HLCS: variants seen among roughly 807,000 people sequenced by gnomAD.
The protein encoded by HLCS is holocarboxylase synthetase, also known as biotin--protein ligase.
HLCS carries 53 observed loss-of-function variants against 75.0 expected under a neutral mutation model. The observed-to-expected ratio is 0.71, with a 90% CI of 0.57 to 0.89. HLCS has a LOEUF of 0.89. Among genes scored for constraint, HLCS ranks in the 40% least tolerant of loss-of-function variants. The probability of loss-of-function intolerance (pLI) is 0.00; values close to 1 mark genes in which losing one functional copy is unlikely to be tolerated. For missense variants in HLCS, 966 were observed against 1,074.0 expected (o/e 0.90, Z 1.41); for synonymous variants, 431 against 428.6 (o/e 1.01, Z -0.07).
chr21:36,851,154 ACAATCCAGCAATCC>A (rs1212024453), intron 6 of HLCS, among the ~76,000 whole-genome samples: 2 of 152,244 alleles, frequency 1.3e-5, no homozygotes, highest in African/African-American at 4.8e-5. Flanking sequence ...GAGCTACCAT[ACAATCCAGCAATCC>A]CAATCCTAGG....
At position 36,862,264 on chromosome 21, in the gene HLCS, G is replaced by A. The variant is rs1221747685; in HGVS notation, c.1892+34596C>T. ...TGATGCCATGAATATCCACATGCAA[G>A]TTTTTGTGTGGACCTCTGTTTTCAT... On this transcript the variant is annotated intron_variant, in intron 6 of 10. Coordinates refer to ENST00000674895, the MANE Select transcript of HLCS (RefSeq NM_001352514.2). Among the ~76,000 whole-genome samples the A allele has an allele frequency of 2.6e-5, 4 of 152,206 alleles. No individual in the cohort carries two copies. In the East Asian group the frequency reaches 7.7e-4, roughly 29 times the overall value.
intron 6 of HLCS, among the ~76,000 whole-genome samples, chr21:36,892,368 T>C (rs2064823284): frequency 6.6e-6 from 1 of 151,742 alleles, no homozygotes; most frequent in Non-Finnish European, 1.5e-5. Flanking sequence ...CAAGGAAACA[T>C]AGTGGCCGCC....
At chr21:36,862,724 G>A (rs557915899) in intron 6 of HLCS, among the ~76,000 whole-genome samples, 90 of 152,032 alleles carry the variant, frequency 5.9e-4, no homozygotes, top group Non-Finnish European at 7.6e-4. Context: ...TCGGGGCCTG[G>A]GCCACCATCG....
At chr21:36,827,384 CATG>C (rs2062040226) in intron 6 of HLCS, among the ~76,000 whole-genome samples, 1 of 151,806 alleles carries the variant, frequency 6.6e-6, no homozygotes, top group Non-Finnish European at 1.5e-5. Context: ...GCCTGGCCAA[CATG>C]GTGAAACCCC....
intron 6 of HLCS, among the ~76,000 whole-genome samples, chr21:36,885,888 T>C (rs1236454090): frequency 6.6e-6 from 1 of 152,082 alleles, no homozygotes; most frequent in African/African-American, 2.4e-5. Context: ...GATAAGGAAA[T>C]AGAGGCATAA....
intron 5 of HLCS, among the ~76,000 whole-genome samples, chr21:36,917,900 A>G (rs2065999871): frequency 6.6e-6 from 1 of 151,538 alleles, no homozygotes; most frequent in South Asian, 2.1e-4. Context: ...CGAAGGTGTG[A>G]CTTTGGACCA....
intron 5 of HLCS, among the ~76,000 whole-genome samples, chr21:36,926,608 C>T (rs1190728237): frequency 6.6e-6 from 1 of 152,054 alleles, no homozygotes; most frequent in Middle Eastern, 3.4e-3. Flanking sequence ...ACTAATTTGG[C>T]TTATTATATA....
rs547265988 is a variant in HLCS at position 36,977,563 on chromosome 21, T to G, written c.-393+12595A>C. Among the ~76,000 whole-genome samples the G allele has an allele frequency of 6.6e-5, 10 of 152,336 alleles. No individual in the cohort carries two copies. In the South Asian group the frequency reaches 1.9e-3, roughly 28 times the overall value. ...AATGAATGTGGAAAGAAATTAAAAC[T>G]TTTACAACCACATGAAAAAGGCATT... On this transcript the variant is annotated intron_variant, in intron 1 of 11. Coordinates refer to the HLCS transcript ENST00000336648.
intron 6 of HLCS, among the ~76,000 whole-genome samples, chr21:36,792,470 G>A (rs970209434): frequency 1.9e-4 from 27 of 143,404 alleles, no homozygotes; most frequent in African/African-American, 5.8e-4. Flanking sequence ...GGGAGGGAAG[G>A]GAGAGGGGGA....
intron 1 of HLCS, among the ~76,000 whole-genome samples, chr21:36,982,370 C>T (rs987209374): frequency 6.6e-6 from 1 of 152,206 alleles, no homozygotes; most frequent in Admixed American, 6.5e-5. Flanking sequence ...CCCATTACTA[C>T]ACCAGGCATA....
At chr21:36,835,795 A>T (rs2062389251) in intron 6 of HLCS, among the ~76,000 whole-genome samples, 1 of 152,300 alleles carries the variant, frequency 6.6e-6, no homozygotes, top group South Asian at 2.1e-4. Context: ...TTTTGTGAGC[A>T]ATGAGGAGGA....
chr21:36,957,794 T>C (rs1435238881), intron 2 of HLCS, among the ~76,000 whole-genome samples: 1 of 151,384 alleles, frequency 6.6e-6, no homozygotes, highest in Admixed American at 6.6e-5. Context: ...CTGGGCGTTG[T>C]GGCACGCGCC....
intron 3 of HLCS, among the ~76,000 whole-genome samples, chr21:36,938,305 T>G (rs907215162): frequency 6.6e-6 from 1 of 152,216 alleles, no homozygotes; most frequent in African/African-American, 2.4e-5. Context: ...AATGCAGTCA[T>G]GAAAACTTCT....
intron 6 of HLCS, among the ~76,000 whole-genome samples, chr21:36,776,150 TAAAGA>T (rs2060351237): frequency 6.6e-6 from 1 of 152,232 alleles, no homozygotes; most frequent in Non-Finnish European, 1.5e-5. Context: ...ATATCAGACT[TAAAGA>T]AAAGTTACAG....
At chr21:36,799,015 G>T (rs146758044) in intron 6 of HLCS, among the ~76,000 whole-genome samples, 1 of 152,034 alleles carries the variant, frequency 6.6e-6, no homozygotes, top group South Asian at 2.1e-4. Flanking sequence ...ATAAAAAAAA[G>T]AAGTTTTTTT....
At chr21:36,906,245 T>C (rs186278459) in intron 5 of HLCS, among the ~76,000 whole-genome samples, 1 of 152,284 alleles carries the variant, frequency 6.6e-6, no homozygotes, top group African/African-American at 2.4e-5. Flanking sequence ...AAATTAAAGA[T>C]GTCTGAGCAT....
intron 2 of HLCS, among the ~76,000 whole-genome samples, chr21:36,951,083 T>A (rs2067649749): frequency 6.6e-6 from 1 of 152,146 alleles, no homozygotes; most frequent in Non-Finnish European, 1.5e-5. Context: ...ATCCCAGAAC[T>A]CTCCCCTTAT....
intron 8 of HLCS, among the ~76,000 whole-genome samples, chr21:36,760,343 G>A (rs1385885393): frequency 6.6e-6 from 1 of 152,162 alleles, no homozygotes; most frequent in Non-Finnish European, 1.5e-5. Flanking sequence ...AGGCGCGCTG[G>A]CTCACACCTG....
Position 36,936,616 on chromosome 21 carries a change from G to A in HLCS, c.1270C>T (p.Gln424Ter), listed in dbSNP as rs1392222698. ...VQNLVFSKAD[Q>*]SEVKLSVLSS... ...AAGACGCTGAGCTTCACCTCGCTCTGGTCAGCCTTGGAGAAAACCAAGTTC... is the reference window on the plus strand; with the variant it reads ...AAGACGCTGAGCTTCACCTCGCTCTAGTCAGCCTTGGAGAAAACCAAGTTC... The change falls in exon 4 of 11, where the codon CAG becomes TAG. Residue 424 changes from glutamine to a stop codon, truncating the protein, a stop_gained. Coordinates refer to ENST00000674895, the MANE Select transcript of HLCS (RefSeq NM_001352514.2). LOFTEE classifies it high-confidence loss of function. 1.2e-6 allele frequency: 2 copies of A among 1,614,204 alleles called. No individual in the cohort carries two copies. The highest frequency in any genetic ancestry group is 2.2e-5 in the South Asian group (2 of 91,084).
Sources: gnomAD v4.1 joint callset for allele counts (sites outside exome capture counted in the v4.1 genomes callset) on GRCh38, gnomAD v4.1.1 for gene constraint, MANE v1.5 for transcripts, NCBI Gene and HGNC (gene_info 2026-07-23, HGNC 2026-07-21) for gene names.